Variants in RFX8 observed in about 807,000 individuals in gnomAD.
RFX8 encodes the protein DNA-binding protein RFX8.
In RFX8, 46 loss-of-function variants were observed where a neutral mutation model predicts 54.6. The ratio of observed to expected loss-of-function variants is 0.84; its 90% CI spans 0.67 to 1.08. The LOEUF (loss-of-function observed/expected upper bound fraction) is 1.08, where lower values mean the gene tolerates loss of function less well. RFX8 is among the 50% of genes least tolerant of loss of function. The pLI is 0.00. For synonymous variants in RFX8, 192 were observed against 209.5 expected, an observed-to-expected ratio of 0.92 and a Z score of 0.72; for missense variants, 536 against 562.3, an observed-to-expected ratio of 0.95 and a Z score of 0.47.
rs1685191579 is a variant in RFX8 at position 101,397,472 on chromosome 2, A to G, written c.*76T>C. ...ATACATAACATCATCTTTCGTCAAT[A>G]GAAAAACTTTAGTATTTAATATTTT... On this transcript the variant is annotated 3_prime_UTR_variant, in exon 12 of 12. Transcript: ENST00000428343. 1 of 970,546 alleles carries G rather than the reference A, an allele frequency of 1.0e-6. No homozygotes were observed. The highest frequency in any genetic ancestry group is 1.5e-6 in the Non-Finnish European group (1 of 675,350). The allele number at this position is 970,546 out of a possible 1,614,324, so 60.1% of individuals were successfully genotyped here.
intron 2 of RFX8, chr2:101,429,160 C>T (rs1558861916): frequency 1.4e-5 from 8 of 569,720 alleles, no homozygotes; most frequent in Middle Eastern, 2.6e-4. Context: ...TTTCTATCCA[C>T]GAATGGTAAT....
intron 2 of RFX8, among the ~76,000 whole-genome samples, chr2:101,438,257 C>T (rs1159181255): frequency 6.6e-6 from 1 of 152,086 alleles, no homozygotes; most frequent in Non-Finnish European, 1.5e-5. Context: ...AGCTGTTGTG[C>T]TAGTGAATAT....
intron 6 of RFX8, among the ~76,000 whole-genome samples, chr2:101,417,056 A>C (rs2104567389): frequency 6.6e-6 from 1 of 152,352 alleles, no homozygotes; most frequent in East Asian, 1.9e-4. Context: ...CTGGATCAGC[A>C]CAAAAATCCA....
At chr2:101,440,628 T>G (rs1481751269) in intron 2 of RFX8, among the ~76,000 whole-genome samples, 4 of 152,206 alleles carry the variant, frequency 2.6e-5, no homozygotes, top group African/African-American at 9.6e-5. Context: ...AGACTCTGCC[T>G]CTTTTTCCAT....
chr2:101,465,377 G>A (rs974528102), intron 2 of RFX8, among the ~76,000 whole-genome samples: 1 of 152,178 alleles, frequency 6.6e-6, no homozygotes, highest in Admixed American at 6.5e-5. Flanking sequence ...GGGCGTGGTG[G>A]TGCACGCCTG....
At chr2:101,438,066 G>C (rs1211556805) in intron 2 of RFX8, among the ~76,000 whole-genome samples, 1 of 151,750 alleles carries the variant, frequency 6.6e-6, no homozygotes, top group African/African-American at 2.4e-5. Flanking sequence ...ATTTTTGTGG[G>C]TACATAGTAG....
intron 2 of RFX8, among the ~76,000 whole-genome samples, chr2:101,465,963 T>C (rs988211939): frequency 1.6e-4 from 25 of 152,178 alleles, no homozygotes; most frequent in African/African-American, 5.3e-4. Context: ...GTTTCAAATA[T>C]GTGAGCAGCC....
rs1420736436 is a variant in RFX8, at chr2:101,410,681, A to C, written c.751T>G (p.Ser251Ala). The part of the protein sequence containing the change: ...LRNLISLLGT[S>A]TDLRVFLSCL... ...CTGAGGAATACCCTGAGATCTGTTG[A>C]TGTTCCCAGCAAAGAAATTAAGTTT... Residue 251 changes from serine to alanine, a missense_variant, in exon 9 of 12, where the codon TCA (serine) becomes GCA (alanine). By Grantham distance (99) the Ser-to-Ala change is moderately conservative (BLOSUM62 1). Coordinates refer to ENST00000428343, the MANE Select transcript of RFX8 (RefSeq NM_001145664.2). The C allele has an allele frequency of 6.5e-7, 1 of 1,544,846 alleles. No individual in the cohort carries two copies. Among genetic ancestry groups the C allele is most frequent in the East Asian group, 2.4e-5 (1 of 40,870 alleles).
At chr2:101,436,097 G>A (rs57735375) in intron 2 of RFX8, among the ~76,000 whole-genome samples, 8,356 of 152,252 alleles carry the variant, frequency 0.055, 364 homozygotes, top group East Asian at 0.2. Flanking sequence ...CAGCAGACGG[G>A]TGTGGAGGGA....
chr2:101,408,377 C>A (rs1038634518), intron 9 of RFX8, among the ~76,000 whole-genome samples: 1 of 151,726 alleles, frequency 6.6e-6, no homozygotes, highest in African/African-American at 2.4e-5. Context: ...CTCAGCTACT[C>A]GGGAGGCTGA....
chr2:101,437,365 G>A (rs1409528461), intron 2 of RFX8, among the ~76,000 whole-genome samples: 1 of 152,120 alleles, frequency 6.6e-6, no homozygotes. Flanking sequence ...TTGAGGCCAG[G>A]AGTTCAAGAC....
rs192713412 is a variant in RFX8, at chr2:101,421,508, T to C, written c.237+216A>G. The C allele has an allele frequency of 1.1e-3, 1,460 of 1,272,004 alleles. 48 individuals carry two copies. The Admixed American group carries it at 0.052, about 45-fold the overall frequency. 78.8% of individuals were successfully genotyped at this position (1,272,004 alleles called of 1,614,324 possible). A position where few individuals can be genotyped will look rare whatever the true frequency, so the allele number is the denominator to read the frequency against. ...CCTAAAGTTATCTGTATTAGCACCT[T>C]GGAGAATTTCCAACTGATTACACTG... is the stretch of plus-strand genomic sequence containing the variant. On this transcript the variant is annotated intron_variant, in intron 4 of 11. Coordinates refer to ENST00000428343, the MANE Select transcript of RFX8 (RefSeq NM_001145664.2).
At chr2:101,417,846 C>T (rs1172360837) in intron 5 of RFX8, among the ~76,000 whole-genome samples, 162 bp from the exon 6 acceptor site, 1 of 152,168 alleles carries the variant, frequency 6.6e-6, no homozygotes, top group Non-Finnish European at 1.5e-5. Flanking sequence ...GCTTCCCATG[C>T]AGGATGTCAG....
intron 2 of RFX8, among the ~76,000 whole-genome samples, chr2:101,466,273 C>T (rs958171415): frequency 6.8e-6 from 1 of 146,930 alleles, no homozygotes; most frequent in African/African-American, 2.5e-5. Context: ...CACGCCATTG[C>T]TGTAGCCTGG....
intron 1 of RFX8, among the ~76,000 whole-genome samples, chr2:101,469,068 ATATATATATAAGTG>A (rs1558896634): frequency 0.01 from 182 of 17,426 alleles, 7 homozygotes; most frequent in African/African-American, 0.042. Context: ...ATATATATGT[ATATATATATAAGTG>A]TATATATATA....
At chr2:101,447,802 A>G (rs927043104) in intron 2 of RFX8, among the ~76,000 whole-genome samples, 1 of 152,030 alleles carries the variant, frequency 6.6e-6, no homozygotes, top group Non-Finnish European at 1.5e-5. Flanking sequence ...CCACTATTCT[A>G]CTCTTGCCTC....
At position 101,469,024 on chromosome 2, in the gene RFX8, A is replaced by C. The variant is rs1238188461; in HGVS notation, c.-52-2124T>G. On this transcript the variant is annotated intron_variant, in intron 1 of 11. Coordinates refer to ENST00000428343, the MANE Select transcript of RFX8 (RefSeq NM_001145664.2). Reference sequence around the variant, plus strand: ...TATACGTATATATATATAGGTATATATATATACGTATATATATGTATATAT... The same window carrying C: ...TATACGTATATATATATAGGTATATCTATATACGTATATATATGTATATAT... Among the ~76,000 whole-genome samples, 3 of 46,212 alleles carry C rather than the reference A, an allele frequency of 6.5e-5. No individual in the cohort carries two copies. The East Asian group carries it at 1.7e-3, about 26-fold the overall frequency. 30.3% of individuals were successfully genotyped at this position (46,212 alleles called of 152,430 possible). A position where few individuals can be genotyped will look rare whatever the true frequency, so the allele number is the denominator to read the frequency against.
chr2:101,436,032 C>T (rs1363500320), intron 2 of RFX8, among the ~76,000 whole-genome samples: 1 of 152,096 alleles, frequency 6.6e-6, no homozygotes, highest in Non-Finnish European at 1.5e-5. Context: ...GCCCTGGTTC[C>T]CGGCTCTGTC....
chr2:101,403,224 G>T (rs181265818), intron 10 of RFX8, among the ~76,000 whole-genome samples: 2 of 151,974 alleles, frequency 1.3e-5, no homozygotes, highest in Admixed American at 6.5e-5. Context: ...TGTGGCTGCA[G>T]CTCTTTGTGT....
Sources: gnomAD v4.1 joint callset for allele counts (sites outside exome capture counted in the v4.1 genomes callset) on GRCh38, gnomAD v4.1.1 for gene constraint, MANE v1.5 for transcripts, NCBI Gene and HGNC (gene_info 2026-07-23, HGNC 2026-07-21) for gene names.